Variants in RAB37 observed in about 807,000 individuals in gnomAD.
RAB37 encodes the protein ras-related protein Rab-37.
A neutral mutation model predicts 33.1 loss-of-function variants in RAB37; 29 were observed. The ratio of observed to expected loss-of-function variants is 0.88; its 90% CI spans 0.65 to 1.20. The LOEUF (loss-of-function observed/expected upper bound fraction) is 1.20. Ranked by LOEUF, RAB37 falls within the 50% of genes most tolerant of loss-of-function variation. RAB37 has a pLI of 0.00. For missense variants in RAB37, 299 were observed against 301.1 expected (o/e 0.99, Z 0.05); for synonymous variants, 128 against 119.5 (o/e 1.07, Z -0.47).
rs1567816717 is a variant in RAB37 at position 74,744,299 on chromosome 17, C to T, written c.367-9C>T. On this transcript the variant is annotated splice_polypyrimidine_tract_variant and intron_variant, in intron 5 of 8. Coordinates refer to ENST00000392613, the MANE Select transcript of RAB37 (RefSeq NM_001006638.3). This position sits in a 1 kb window ranked among gnomAD's most constrained non-coding sequence, Gnocchi z 4.2. ...AGAGAATGCCAGTCTCGCACGCCCT[C>T]TCCCACAGGCCTGGCTCACTGAGAT... 6 of 1,611,968 alleles carry T rather than the reference C, an allele frequency of 3.7e-6. No individual in the cohort carries two copies. Among genetic ancestry groups the T allele is most frequent in the Non-Finnish European group, 3.4e-6 (4 of 1,178,886 alleles).
At chr17:74,728,752 CTG>C (rs980429802) in intron 1 of RAB37, among the ~76,000 whole-genome samples, 1 of 149,956 alleles carries the variant, frequency 6.7e-6, no homozygotes, top group African/African-American at 2.5e-5. Context: ...TTTTCTGTGT[CTG>C]TATGTGTCTT....
intron 1 of RAB37, among the ~76,000 whole-genome samples, chr17:74,711,142 AGGGTAAGCACACTTGCTGCTTGT>A (rs1182030735): frequency 2.0e-5 from 3 of 152,206 alleles, no homozygotes; most frequent in Non-Finnish European, 4.4e-5. Context: ...AGAGGGAAAC[AGGGTAAGCACACTTGCTGCTTGT>A]GGGTGGAAGT....
At chr17:74,700,480 C>T (rs1480479363) in intron 1 of RAB37, among the ~76,000 whole-genome samples, 1 of 152,184 alleles carries the variant, frequency 6.6e-6, no homozygotes, top group Non-Finnish European at 1.5e-5. Context: ...GTGGCTTACA[C>T]CTGTAATCCC....
In RAB37 at chr17:74,738,721, G is replaced by A. The variant is rs990083795; in HGVS notation, c.93+1356G>A. On this transcript the variant is annotated intron_variant, in intron 1 of 8. Transcript: ENST00000392613. The surrounding 1 kb of genome is among the most constrained non-coding windows in gnomAD (Gnocchi z 5.0). ...CCCTTCATCTGTTCCCTGGCCAAGCGGCATTGGCCGGAGAGTTGGTCCCCA... is the reference window on the plus strand; with the variant it reads ...CCCTTCATCTGTTCCCTGGCCAAGCAGCATTGGCCGGAGAGTTGGTCCCCA... Among the ~76,000 whole-genome samples, 1 of 152,160 alleles carries A rather than the reference G, an allele frequency of 6.6e-6. No individual in the cohort carries two copies. The highest frequency in any genetic ancestry group is 2.4e-5 in the African/African-American group (1 of 41,438).
At chr17:74,725,675 G>A (rs1252009343) in intron 1 of RAB37, among the ~76,000 whole-genome samples, 2 of 151,700 alleles carry the variant, frequency 1.3e-5, no homozygotes, top group Non-Finnish European at 2.9e-5. Flanking sequence ...CCAGGCTAGA[G>A]TGCAGTGGCA....
chr17:74,699,168 C>T (rs1598219693), intron 1 of RAB37, among the ~76,000 whole-genome samples: 1 of 152,202 alleles, frequency 6.6e-6, no homozygotes, highest in Non-Finnish European at 1.5e-5. Flanking sequence ...CCGCCCACCT[C>T]AGCCTCCCAA....
intron 2 of RAB37, among the ~76,000 whole-genome samples, chr17:74,731,449 G>C (rs2034383363): frequency 6.6e-6 from 1 of 152,152 alleles, no homozygotes; most frequent in Admixed American, 6.5e-5. Context: ...AAACTACCAG[G>C]CCCATCGCCT....
At chr17:74,727,296 G>A (rs2034317898) in intron 1 of RAB37, among the ~76,000 whole-genome samples, 1 of 152,262 alleles carries the variant, frequency 6.6e-6, no homozygotes, top group Admixed American at 6.5e-5. Flanking sequence ...TGTGAAGAGG[G>A]AATCAAATGT....
intron 1 of RAB37, among the ~76,000 whole-genome samples, chr17:74,708,979 C>T (rs937489498): frequency 8.7e-5 from 13 of 149,644 alleles, no homozygotes; most frequent in Non-Finnish European, 1.5e-4. Context: ...AATCCCAGCA[C>T]TTTGGGAGTC....
At chr17:74,686,155 C>T (rs967816785) in intron 1 of RAB37, among the ~76,000 whole-genome samples, 29 of 152,118 alleles carry the variant, frequency 1.9e-4, no homozygotes, top group African/African-American at 6.5e-4. Flanking sequence ...TGCAGTAGTG[C>T]CATTTCGGCT....
At chr17:74,731,664 C>T (rs2034385528) in intron 2 of RAB37, among the ~76,000 whole-genome samples, 1 of 152,138 alleles carries the variant, frequency 6.6e-6, no homozygotes, top group Admixed American at 6.5e-5. Context: ...CTCAGTTTCC[C>T]CCAAATTCCC....
At chr17:74,673,516 T>C (rs1447799401) in intron 1 of RAB37, among the ~76,000 whole-genome samples, 1 of 151,150 alleles carries the variant, frequency 6.6e-6, no homozygotes, top group African/African-American at 2.4e-5. Context: ...GTTTATACCA[T>C]CCTATAAAGG....
At position 74,744,614 on chromosome 17, in the gene RAB37, T is replaced by C; in HGVS notation, c.432+241T>C. 1.6e-6 allele frequency: 1 copy of C among 622,540 alleles called. No individual in the cohort carries two copies. Among genetic ancestry groups the C allele is most frequent in the East Asian group, 2.7e-5 (1 of 36,518 alleles). 38.6% of individuals were successfully genotyped at this position (622,540 alleles called of 1,614,324 possible). On this transcript the variant is annotated intron_variant, in intron 6 of 8. Coordinates refer to ENST00000392613, the MANE Select transcript of RAB37 (RefSeq NM_001006638.3). This position sits in a 1 kb window ranked among gnomAD's most constrained non-coding sequence, Gnocchi z 4.2. The stretch of plus-strand genomic sequence containing the variant: ...GTTCTCAGCCCCCATTAGAGCAGAG[T>C]GAACAGGGTCCCAGGTCAGGGGCTA...
upstream of RAB37, among the ~76,000 whole-genome samples, chr17:74,734,720 G>A (rs1479206554): frequency 2.0e-5 from 3 of 151,982 alleles, no homozygotes; most frequent in Non-Finnish European, 4.4e-5. Flanking sequence ...ATGGGCACCT[G>A]TTATCCCAGC....
At chr17:74,674,669 C>T (rs539384127) in intron 1 of RAB37, among the ~76,000 whole-genome samples, 2 of 152,078 alleles carry the variant, frequency 1.3e-5, no homozygotes, top group African/African-American at 4.8e-5. Flanking sequence ...CAGAGCAAGA[C>T]TCCATCTCAA....
chr17:74,717,694 AG>A (rs1289482736), intron 1 of RAB37, among the ~76,000 whole-genome samples: 1 of 148,492 alleles, frequency 6.7e-6, no homozygotes, highest in Non-Finnish European at 1.5e-5. Flanking sequence ...CTGTAATCCC[AG>A]CTACTCAGGA....
At position 74,671,758 on chromosome 17, in the gene RAB37, C is replaced by T; in HGVS notation, c.72+100C>T. The T allele has an allele frequency of 9.8e-7, 1 of 1,018,106 alleles. No individual in the cohort carries two copies. The highest frequency in any genetic ancestry group is 1.5e-6 in the Non-Finnish European group (1 of 657,868). The allele number at this position is 1,018,106 out of a possible 1,614,324, so 63.1% of individuals were successfully genotyped here. A position where few individuals can be genotyped will look rare whatever the true frequency, so the allele number is the denominator to read the frequency against. On this transcript the variant is annotated intron_variant, in intron 1 of 7. Coordinates refer to the RAB37 transcript ENST00000340415. The surrounding 1 kb of genome is among the most constrained non-coding windows in gnomAD (Gnocchi z 5.0). ...CTTTGCTTTGGGACTTAATGAGAAACTAGCTTGTATCTGTGAGTCTGGGGA... is the reference window on the plus strand; with the variant it reads ...CTTTGCTTTGGGACTTAATGAGAAATTAGCTTGTATCTGTGAGTCTGGGGA...
chr17:74,675,299 G>A (rs1225628689), intron 1 of RAB37, among the ~76,000 whole-genome samples: 1 of 151,988 alleles, frequency 6.6e-6, no homozygotes, highest in Non-Finnish European at 1.5e-5. Context: ...GCCGGGGGTG[G>A]TGGCATGCAC....
At chr17:74,717,406 G>A (rs190301255) in intron 1 of RAB37, among the ~76,000 whole-genome samples, 3 of 152,260 alleles carry the variant, frequency 2.0e-5, no homozygotes, top group East Asian at 3.9e-4. Flanking sequence ...AATTTCATAC[G>A]TTGAAACTTA....
Sources: gnomAD v4.1 joint callset for allele counts (sites outside exome capture counted in the v4.1 genomes callset) on GRCh38, gnomAD v4.1.1 for gene constraint, Gnocchi (gnomAD v3.1) non-coding constraint, MANE v1.5 for transcripts, NCBI Gene and HGNC (gene_info 2026-07-23, HGNC 2026-07-21) for gene names.